The following SCHIP1 variants were observed in gnomAD, a reference collection of about 807,000 sequenced individuals.
The protein encoded by SCHIP1 is schwannomin-interacting protein 1.
Under a neutral mutation model 29.7 loss-of-function variants are expected in SCHIP1, and 8 were observed. The observed-to-expected ratio is 0.27, with a 90% CI of 0.16 to 0.49. SCHIP1 has a LOEUF of 0.49. Ranked by LOEUF, SCHIP1 falls within the 20% of genes least tolerant of loss-of-function variation. SCHIP1 has a pLI of 0.99. For synonymous variants in SCHIP1, 76 were observed against 94.9 expected, an observed-to-expected ratio of 0.80 and a Z score of 1.16; for missense variants, 193 against 294.6, an observed-to-expected ratio of 0.66 and a Z score of 2.52.
chr3:159,734,365 C>T, the SCHIP1 span, among the ~76,000 whole-genome samples: 1 of 151,868 alleles, frequency 6.6e-6, no homozygotes, highest in Admixed American at 6.6e-5. Flanking sequence ...TGGTCTCGAA[C>T]TCCTGTCCTC....
At chr3:159,359,931 G>C in the SCHIP1 span, among the ~76,000 whole-genome samples, 1 of 152,166 alleles carries the variant, frequency 6.6e-6, no homozygotes, top group Non-Finnish European at 1.5e-5. Context: ...TGAAAACAGC[G>C]ACCCATAGGT....
chr3:159,431,391 G>T, the SCHIP1 span, among the ~76,000 whole-genome samples: 87 of 152,052 alleles, frequency 5.7e-4, no homozygotes, highest in Non-Finnish European at 9.9e-4. Flanking sequence ...AAAAAAGGCA[G>T]AAAAATGCAG....
At chr3:159,752,554 G>C in the SCHIP1 span, among the ~76,000 whole-genome samples, 1 of 152,166 alleles carries the variant, frequency 6.6e-6, no homozygotes, top group Non-Finnish European at 1.5e-5. Flanking sequence ...GGAGGCTTCA[G>C]GGAGCTTTTA....
the SCHIP1 span, among the ~76,000 whole-genome samples, chr3:159,707,268 A>G: frequency 6.6e-6 from 1 of 152,172 alleles, no homozygotes. Flanking sequence ...CGCCTCATCA[A>G]AAAGCAATAT....
At chr3:159,309,372 G>A in the SCHIP1 span, 3 of 152,290 alleles carry the variant, frequency 2.0e-5, no homozygotes, top group Admixed American at 6.6e-5. Flanking sequence ...GGACCATGAT[G>A]ATTTCTCTCA....
chr3:159,554,028 G>GTA, the SCHIP1 span, among the ~76,000 whole-genome samples: 40 of 73,442 alleles, frequency 5.4e-4, 1 homozygote, highest in African/African-American at 3.9e-3. Context: ...GTTTGTGTAT[G>GTA]TGTGTGTGTG....
the SCHIP1 span, among the ~76,000 whole-genome samples, chr3:159,370,379 T>A: frequency 6.6e-6 from 1 of 152,222 alleles, no homozygotes; most frequent in Admixed American, 6.5e-5. Context: ...ATATTTGCAA[T>A]GGGGCAGCCC....
At chr3:159,413,158 C>G in the SCHIP1 span, among the ~76,000 whole-genome samples, 2 of 152,062 alleles carry the variant, frequency 1.3e-5, no homozygotes, top group Non-Finnish European at 2.9e-5. Context: ...GGGAAACTGC[C>G]CCCATTATTC....
At chr3:159,773,619 A>G in the SCHIP1 span, among the ~76,000 whole-genome samples, 5 of 152,234 alleles carry the variant, frequency 3.3e-5, no homozygotes, top group East Asian at 9.6e-4. Flanking sequence ...AACTGGAAGT[A>G]GATTCTAATT....
the SCHIP1 span, among the ~76,000 whole-genome samples, chr3:159,305,224 C>T: frequency 1.3e-5 from 2 of 152,322 alleles, no homozygotes; most frequent in African/African-American, 4.8e-5. Flanking sequence ...GGGGATACCT[C>T]ACAAATGTGG....
chr3:159,775,268 A>C, the SCHIP1 span, among the ~76,000 whole-genome samples: 4 of 152,216 alleles, frequency 2.6e-5, no homozygotes, highest in African/African-American at 4.8e-5. Context: ...TTCTATCAGG[A>C]AAGTGTGTGG....
At chr3:159,515,888 G>C in the SCHIP1 span, among the ~76,000 whole-genome samples, 1 of 151,926 alleles carries the variant, frequency 6.6e-6, no homozygotes, top group Non-Finnish European at 1.5e-5. Context: ...GAATGTTAGT[G>C]CAAAGCAACA....
chr3:159,430,580 G>A, the SCHIP1 span, among the ~76,000 whole-genome samples: 2 of 152,102 alleles, frequency 1.3e-5, no homozygotes, highest in African/African-American at 4.8e-5. Flanking sequence ...GAAACAAGTT[G>A]TTATTAGGCT....
chr3:159,571,323 A>G, the SCHIP1 span, among the ~76,000 whole-genome samples: 1 of 152,210 alleles, frequency 6.6e-6, no homozygotes, highest in South Asian at 2.1e-4. Flanking sequence ...TAGTTTATTG[A>G]GAGTTTTTAG....
At chr3:159,626,340 C>A in the SCHIP1 span, among the ~76,000 whole-genome samples, 1 of 149,956 alleles carries the variant, frequency 6.7e-6, no homozygotes, top group African/African-American at 2.5e-5. Context: ...GAAAAGGAAG[C>A]AAGTTATTTA....
At chr3:159,717,413 C>A in the SCHIP1 span, among the ~76,000 whole-genome samples, 3 of 151,828 alleles carry the variant, frequency 2.0e-5, no homozygotes, top group Non-Finnish European at 2.9e-5. Flanking sequence ...GAGACAAAAA[C>A]CCTTCAAAAA....
chr3:159,329,628 C>A, the SCHIP1 span, among the ~76,000 whole-genome samples: 1 of 152,128 alleles, frequency 6.6e-6, no homozygotes, highest in Non-Finnish European at 1.5e-5. Flanking sequence ...TCCTATTTAT[C>A]GACATAAAAA....
intron 1 of SCHIP1, among the ~76,000 whole-genome samples, chr3:159,848,567 G>A (rs1712151276): frequency 6.6e-6 from 1 of 151,876 alleles, no homozygotes; most frequent in African/African-American, 2.4e-5. Flanking sequence ...TGGAAATGTG[G>A]TTTGAAATAG....
the SCHIP1 span, among the ~76,000 whole-genome samples, chr3:159,496,165 A>G: frequency 1.8e-4 from 27 of 152,250 alleles, no homozygotes; most frequent in Non-Finnish European, 3.8e-4. Flanking sequence ...ATGAAAACCT[A>G]GGCAATACCA....
Sources: allele counts gnomAD v4.1 joint callset (sites outside exome capture counted in the v4.1 genomes callset), GRCh38; gene constraint gnomAD v4.1.1; transcripts MANE v1.5; gene names NCBI Gene and HGNC (gene_info 2026-07-23, HGNC 2026-07-21).